KIZ: variants seen among roughly 807,000 people sequenced by gnomAD.
KIZ encodes the protein kizuna centrosomal protein, also known as centrosomal protein kizuna.
A neutral mutation model predicts 79.6 loss-of-function variants in KIZ; 68 were observed. That is an observed-to-expected ratio of 0.85 (90% CI 0.70 to 1.05). The LOEUF is 1.05. KIZ is among the 50% of genes least tolerant of loss of function. The pLI is 0.00. For synonymous variants in KIZ, 280 were observed against 281.8 expected, an observed-to-expected ratio of 0.99 and a Z score of 0.06; for missense variants, 797 against 800.4, an observed-to-expected ratio of 1.00 and a Z score of 0.05.
chr20:21,202,749 G>T (rs1255213653), intron 6 of KIZ, among the ~76,000 whole-genome samples: 1 of 152,038 alleles, frequency 6.6e-6, no homozygotes, highest in Non-Finnish European at 1.5e-5. Context: ...ACATTTTATT[G>T]CCCTCTCATA....
chr20:21,146,441 AGAT>A (rs1248453397), intron 4 of KIZ, among the ~76,000 whole-genome samples: 1 of 152,234 alleles, frequency 6.6e-6, no homozygotes, highest in African/African-American at 2.4e-5. Context: ...AGCTGGAAAC[AGAT>A]GATAACGGGA....
rs1391930580 is a variant in KIZ at position 21,162,873 on chromosome 20, A to G, written c.1066A>G (p.Lys356Glu). 1.9e-6 allele frequency: 3 copies of G among 1,613,428 alleles called. No individual in the cohort carries two copies. The Admixed American group carries it at 5.0e-5, about 27-fold the overall frequency. The part of the protein sequence containing the change: ...VSDHLAHREP[K>E]SQKPFRKMQE... ...AGATCATCTTGCTCACAGGGAACCA[A>G]AGTCACAAAAGCCCTTCAGAAAAAT... Residue 356 changes from lysine to glutamate, a missense_variant, in exon 6 of 13, where the codon AAG (lysine) becomes GAG (glutamate). Transcript: ENST00000619189.
chr20:21,203,160 A>T (rs2035665178), intron 6 of KIZ, among the ~76,000 whole-genome samples: 1 of 152,194 alleles, frequency 6.6e-6, no homozygotes, highest in African/African-American at 2.4e-5. Flanking sequence ...AGGTCCACAT[A>T]TTACAATTGG....
At chr20:21,146,734 G>A (rs887563401) in intron 4 of KIZ, among the ~76,000 whole-genome samples, 6 of 152,110 alleles carry the variant, frequency 3.9e-5, no homozygotes, top group African/African-American at 1.4e-4. Flanking sequence ...TTTTATAGTA[G>A]GAGGAAGGTT....
intron 6 of KIZ, among the ~76,000 whole-genome samples, chr20:21,203,335 G>A (rs2035671255): frequency 6.6e-6 from 1 of 152,028 alleles, no homozygotes; most frequent in Admixed American, 6.6e-5. Flanking sequence ...CTGTAAACTG[G>A]TGGTTAGATC....
At chr20:21,173,887 A>T (rs182518829) in intron 6 of KIZ, among the ~76,000 whole-genome samples, 1 of 152,314 alleles carries the variant, frequency 6.6e-6, no homozygotes, top group African/African-American at 2.4e-5. Flanking sequence ...ATCAGGGTAT[A>T]AATACATTTT....
chr20:21,126,007 G>A (rs2031419934), upstream of KIZ: 5 of 1,326,190 alleles, frequency 3.8e-6, no homozygotes, highest in Non-Finnish European at 4.8e-6. Context: ...CCTCCTGCAG[G>A]CGGCCCGGCG....
At chr20:21,131,253 A>G (rs1275985648) in intron 1 of KIZ, among the ~76,000 whole-genome samples, 1 of 152,194 alleles carries the variant, frequency 6.6e-6, no homozygotes, top group African/African-American at 2.4e-5. Context: ...TTGTGGGGTA[A>G]GACAGGTTTT....
chr20:21,228,385 A>C (rs1261916266), intron 9 of KIZ, among the ~76,000 whole-genome samples: 1 of 152,196 alleles, frequency 6.6e-6, no homozygotes, highest in Non-Finnish European at 1.5e-5. Context: ...TGCCATTAGA[A>C]GCCCTGCATG....
At chr20:21,207,281 T>C (rs549884067) in intron 7 of KIZ, among the ~76,000 whole-genome samples, 1 of 152,276 alleles carries the variant, frequency 6.6e-6, no homozygotes, top group Admixed American at 6.5e-5. Flanking sequence ...CCTCTTTCCT[T>C]GCTGCTCTAA....
At chr20:21,139,470 T>A (rs2032393913) in intron 3 of KIZ, among the ~76,000 whole-genome samples, 1 of 152,184 alleles carries the variant, frequency 6.6e-6, no homozygotes, top group Non-Finnish European at 1.5e-5. Flanking sequence ...TCAAAAAAAG[T>A]TGTCATTATC....
chr20:21,185,955 A>G (rs1301783823), intron 6 of KIZ, among the ~76,000 whole-genome samples: 1 of 152,108 alleles, frequency 6.6e-6, no homozygotes, highest in Non-Finnish European at 1.5e-5. Context: ...GTTTACTAAA[A>G]CTTGGGCACC....
chr20:21,197,328 G>T (rs1295602691), intron 6 of KIZ: 1 of 152,130 alleles, frequency 6.6e-6, no homozygotes, highest in Non-Finnish European at 1.5e-5. Context: ...TAAGAATAAA[G>T]AAAATTTGAC....
At chr20:21,173,300 G>A (rs1390742030) in intron 6 of KIZ, among the ~76,000 whole-genome samples, 1 of 152,044 alleles carries the variant, frequency 6.6e-6, no homozygotes, top group Non-Finnish European at 1.5e-5. Flanking sequence ...CTGGAGGGCT[G>A]GGTGTGGTGG....
intron 6 of KIZ, among the ~76,000 whole-genome samples, chr20:21,186,411 G>A (rs147900973): frequency 2.6e-3 from 388 of 151,708 alleles, no homozygotes; most frequent in Non-Finnish European, 4.3e-3. Flanking sequence ...CTTGGAATCC[G>A]TTTCTTCCGT....
intron 6 of KIZ, chr20:21,166,420 C>A: frequency 6.3e-7 from 1 of 1,595,136 alleles, no homozygotes; most frequent in Non-Finnish European, 8.5e-7. Flanking sequence ...ACAACAATTT[C>A]CCAGCTCTGT....
At chr20:21,141,418 C>T (rs142397398) in intron 3 of KIZ, among the ~76,000 whole-genome samples, 1 of 152,298 alleles carries the variant, frequency 6.6e-6, no homozygotes, top group East Asian at 1.9e-4. Context: ...CCAGCAGCTC[C>T]TAAGCAGCAT....
At chr20:21,242,461 TTGCAGAGAGA>T (rs2037249933) in intron 11 of KIZ, among the ~76,000 whole-genome samples, 1 of 151,884 alleles carries the variant, frequency 6.6e-6, no homozygotes, top group South Asian at 2.1e-4. Context: ...TAGGAGGTTG[TTGCAGAGAGA>T]GAAGCAAGAG....
intron 1 of KIZ, 36 bp downstream of exon 1, chr20:21,126,240 G>C: frequency 7.6e-7 from 1 of 1,310,418 alleles, no homozygotes; most frequent in Non-Finnish European, 1.0e-6. Flanking sequence ...GAGTCGGCCC[G>C]CGCCGGGGGT....
Sources: gnomAD v4.1 joint callset for allele counts (sites outside exome capture counted in the v4.1 genomes callset) on GRCh38, gnomAD v4.1.1 for gene constraint, MANE v1.5 for transcripts, NCBI Gene and HGNC (gene_info 2026-07-23, HGNC 2026-07-21) for gene names.